TDRD12: variants seen among roughly 807,000 people sequenced by gnomAD.
TDRD12 encodes the protein putative ATP-dependent RNA helicase TDRD12.
Under a neutral mutation model 133.5 loss-of-function variants are expected in TDRD12, and 158 were observed. The ratio of observed to expected loss-of-function variants is 1.18; its 90% CI spans 1.04 to 1.35. The LOEUF is 1.35. Among genes scored for constraint, TDRD12 ranks in the 40% most tolerant of loss-of-function variants. The pLI is 0.00. For missense variants in TDRD12, 1,443 were observed against 1,321.3 expected, an observed-to-expected ratio of 1.09 and a Z score of -1.43; for synonymous variants, 460 against 477.9, an observed-to-expected ratio of 0.96 and a Z score of 0.49.
At chr19:32,779,273 C>T (rs1174169393) in intron 11 of TDRD12, among the ~76,000 whole-genome samples, 1 of 152,202 alleles carries the variant, frequency 6.6e-6, no homozygotes, top group Non-Finnish European at 1.5e-5. Context: ...AGGTGTCCCA[C>T]TAGCCTCCTC....
chr19:32,803,042 G>A (rs35110475), exon 21 of TDRD12: 239,465 of 1,535,714 alleles, frequency 0.16, 19,622 homozygotes, highest in East Asian at 0.31. Flanking sequence ...CAAGGTCCCC[G>A]CAGAGCTGTA....
intron 9 of TDRD12, 121 bp downstream of exon 9, chr19:32,772,971 A>G (rs1221676282): frequency 3.9e-6 from 2 of 514,280 alleles, no homozygotes; most frequent in Non-Finnish European, 6.5e-6. Flanking sequence ...ATTGGCCATG[A>G]TAGTTTCCTT....
At chr19:32,826,145 C>A, downstream of TDRD12, 1 of 1,535,846 alleles carries the variant, frequency 6.5e-7, no homozygotes, top group Non-Finnish European at 8.7e-7. Flanking sequence ...CAGAACTGCA[C>A]AGCCGCCTCT....
At chr19:32,802,739 G>T (rs1971436304) in exon 20 of TDRD12, 1 of 1,536,596 alleles carries the variant, frequency 6.5e-7, no homozygotes, top group Non-Finnish European at 8.7e-7. Flanking sequence ...CTCACCAAAA[G>T]TTTTTGGTGG....
At chr19:32,738,784 G>A in intron 2 of TDRD12, 72 bp from the exon 3 acceptor site, 8 of 1,478,546 alleles carry the variant, frequency 5.4e-6, no homozygotes, top group African/African-American at 1.4e-5. Flanking sequence ...CTGCACTCCA[G>A]CCTGGGCAAT....
At chr19:32,815,811 T>C (rs1967159856) in intron 26 of TDRD12, among the ~76,000 whole-genome samples, 191 bp downstream of exon 26, 1 of 152,152 alleles carries the variant, frequency 6.6e-6, no homozygotes, top group African/African-American at 2.4e-5. Flanking sequence ...CTGGCCAACA[T>C]GGTGAAACCC....
At chr19:32,779,061 A>C (rs1458495232) in intron 11 of TDRD12, among the ~76,000 whole-genome samples, 1 of 152,222 alleles carries the variant, frequency 6.6e-6, no homozygotes, top group Non-Finnish European at 1.5e-5. Context: ...CATTGGCTGC[A>C]CTGCGTCCAA....
In TDRD12 at chr19:32,766,050, G is replaced by A. The variant is rs563234157; in HGVS notation, c.866-6703G>A. 1.1e-3 allele frequency among the ~76,000 whole-genome samples: 170 copies of A among 152,058 alleles called. 1 individual carries two copies. The highest frequency in any genetic ancestry group is 2.3e-3 in the Non-Finnish European group (159 of 67,960). On this transcript the variant is annotated intron_variant, in intron 8 of 27. Coordinates refer to ENST00000444215, the Ensembl canonical transcript of TDRD12. ...AATATAGCTTATCTAGATTTATTTT[G>A]GTTAATATTAGCATAGTATATCTTT...
intron 27 of TDRD12, among the ~76,000 whole-genome samples, 161 bp downstream of exon 27, chr19:32,818,318 G>C (rs1967256537): frequency 6.6e-6 from 1 of 152,206 alleles, no homozygotes; most frequent in Non-Finnish European, 1.5e-5. Context: ...TCAGAGCGGA[G>C]CAGAACACAG....
chr19:32,816,956 A>G (rs1044009835), intron 26 of TDRD12, among the ~76,000 whole-genome samples: 13 of 152,202 alleles, frequency 8.5e-5, no homozygotes, highest in South Asian at 2.1e-4. Flanking sequence ...GAGTAACACC[A>G]CAGCATGCCC....
exon 7 of TDRD12, chr19:32,756,036 T>C: frequency 2.0e-6 from 3 of 1,476,602 alleles, no homozygotes; most frequent in Non-Finnish European, 2.7e-6. Flanking sequence ...ATGCTTGTTA[T>C]ATGTCACCTA....
chr19:32,807,710 ATTTG>A, intron 22 of TDRD12, 62 bp downstream of exon 22: 4 of 1,237,654 alleles, frequency 3.2e-6, no homozygotes, highest in Non-Finnish European at 4.5e-6. Flanking sequence ...AACGTGTTTT[ATTTG>A]TTAAGCAGGA....
intron 6 of TDRD12, among the ~76,000 whole-genome samples, chr19:32,754,102 C>T (rs1037667362): frequency 2.0e-5 from 3 of 152,052 alleles, no homozygotes; most frequent in African/African-American, 7.3e-5. Context: ...ATGTTGGGTT[C>T]CCTAAATGTT....
At chr19:32,759,535 C>G (rs1970093578) in intron 8 of TDRD12, among the ~76,000 whole-genome samples, 1 of 151,988 alleles carries the variant, frequency 6.6e-6, no homozygotes, top group Non-Finnish European at 1.5e-5. Context: ...AGGAGAATCA[C>G]TTGAACCCAG....
At chr19:32,788,561 A>G (rs899340171) in intron 11 of TDRD12, among the ~76,000 whole-genome samples, 1 of 151,524 alleles carries the variant, frequency 6.6e-6, no homozygotes, top group African/African-American at 2.4e-5. Flanking sequence ...TCCTCGTTTC[A>G]CATATATGGT....
At position 32,752,941 on chromosome 19, in the gene TDRD12, C is replaced by T. The variant is rs374506619; in HGVS notation, c.583-3051C>T. ...CCGAGTAGCTGGGACTACAGGCACCCGCCACCACGCCTGGCTAATTTTTTG... is the reference window on the plus strand; with the variant it reads ...CCGAGTAGCTGGGACTACAGGCACCTGCCACCACGCCTGGCTAATTTTTTG... On this transcript the variant is annotated intron_variant, in intron 6 of 27. Coordinates refer to ENST00000444215, the Ensembl canonical transcript of TDRD12. Among the ~76,000 whole-genome samples the T allele has an allele frequency of 2.9e-3, 435 of 151,888 alleles. 5 individuals carry two copies. Among genetic ancestry groups the T allele is most frequent in the African/African-American group, 9.7e-3 (400 of 41,426 alleles).
chr19:32,748,734 C>T (rs1278583637), intron 5 of TDRD12, among the ~76,000 whole-genome samples: 1 of 152,230 alleles, frequency 6.6e-6, no homozygotes, highest in East Asian at 1.9e-4. Flanking sequence ...CAGTAATTGA[C>T]AGCTGAGATC....
chr19:32,805,820 C>T (rs1419210209), intron 21 of TDRD12, among the ~76,000 whole-genome samples: 1 of 150,328 alleles, frequency 6.7e-6, no homozygotes, highest in Non-Finnish European at 1.5e-5. Context: ...CAACCTCCTC[C>T]TTCTGGGTTC....
chr19:32,777,075 T>A (rs375867586), intron 10 of TDRD12, 74 bp from the exon 11 acceptor site: 16 of 938,408 alleles, frequency 1.7e-5, no homozygotes, highest in East Asian at 1.6e-4. Flanking sequence ...TTTATTTTTG[T>A]CGAGATGGGG....
Sources: allele counts gnomAD v4.1 joint callset (sites outside exome capture counted in the v4.1 genomes callset), GRCh38; gene constraint gnomAD v4.1.1; transcripts MANE v1.5; gene names NCBI Gene and HGNC (gene_info 2026-07-23, HGNC 2026-07-21).